Variants in SPRR2G observed in about 807,000 individuals in gnomAD.
SPRR2G encodes small proline rich protein 2G, also known as small proline-rich protein 2G.
SPRR2G carries 1 observed loss-of-function variant against 0.7 expected under a neutral mutation model. The observed-to-expected ratio is 1.49, with a 90% CI of 0.53 to 7.06. SPRR2G has a LOEUF of 7.06. SPRR2G is among the 30% of genes most tolerant of loss of function. SPRR2G has a pLI of 0.14. For missense variants in SPRR2G, 96 were observed against 88.5 expected, an observed-to-expected ratio of 1.09 and a Z score of -0.34; for synonymous variants, 38 against 33.9, an observed-to-expected ratio of 1.12 and a Z score of -0.42.
chr1:153,176,326 A>T, the SPRR2G span: 2 of 151,910 alleles, frequency 1.3e-5, no homozygotes, highest in African/African-American at 4.8e-5. Flanking sequence ...CATGTTTGTT[A>T]CTCACCCATG....
the SPRR2G span, among the ~76,000 whole-genome samples, chr1:153,172,052 A>G: frequency 4.8e-4 from 73 of 152,204 alleles, no homozygotes; most frequent in Non-Finnish European, 8.7e-4. Context: ...TTGAAATTGG[A>G]GCGACCTACA....
chr1:153,196,663 A>G, the SPRR2G span, among the ~76,000 whole-genome samples: 4 of 152,270 alleles, frequency 2.6e-5, no homozygotes, highest in African/African-American at 9.6e-5. Context: ...ACTTCAAATC[A>G]TCTGAAAATG....
chr1:153,198,617 T>C, the SPRR2G span, among the ~76,000 whole-genome samples: 1 of 152,034 alleles, frequency 6.6e-6, no homozygotes, highest in Non-Finnish European at 1.5e-5. Context: ...TCTGGGATGA[T>C]CCCAGGTTTC....
the SPRR2G span, among the ~76,000 whole-genome samples, chr1:153,184,492 G>A: frequency 6.6e-6 from 1 of 152,166 alleles, no homozygotes; most frequent in African/African-American, 2.4e-5. Flanking sequence ...GTTCACTCAT[G>A]ATTTGGCTCT....
chr1:153,170,999 C>T, the SPRR2G span, among the ~76,000 whole-genome samples: 1 of 152,190 alleles, frequency 6.6e-6, no homozygotes, highest in African/African-American at 2.4e-5. Context: ...CAGCTCATTC[C>T]ACCCTCTTTG....
chr1:153,177,975 A>G, the SPRR2G span, among the ~76,000 whole-genome samples: 2 of 151,924 alleles, frequency 1.3e-5, no homozygotes, highest in African/African-American at 2.4e-5. Context: ...ATGTGAACCT[A>G]TATCTCTTCA....
At position 153,150,890 on chromosome 1, in the gene SPRR2G, T is replaced by C. The variant is rs1047649507; in HGVS notation, c.-60A>G. The C allele has an allele frequency of 1.3e-5, 2 of 152,602 alleles. No individual in the cohort carries two copies. The highest frequency in any genetic ancestry group is 2.4e-5 in the African/African-American group (1 of 41,456). 9.5% of individuals were successfully genotyped at this position (152,602 alleles called of 1,614,324 possible). A position where few individuals can be genotyped will look rare whatever the true frequency, so the allele number is the denominator to read the frequency against. On this transcript the variant is annotated 5_prime_UTR_variant, in exon 1 of 2. Coordinates refer to ENST00000368748, the MANE Select transcript of SPRR2G (RefSeq NM_001014291.4). ...GATCTACAACTGAATGGCAAGAAGA[T>C]AGCATCAGTGTGGTGGAGAGTCCTT...
the SPRR2G span, among the ~76,000 whole-genome samples, chr1:153,161,255 GT>G: frequency 1.9e-5 from 1 of 52,832 alleles, no homozygotes; most frequent in Non-Finnish European, 5.9e-5. Context: ...AACAATAATA[GT>G]AGTCATCCTA....
chr1:153,202,106 C>A, the SPRR2G span, among the ~76,000 whole-genome samples: 14 of 152,202 alleles, frequency 9.2e-5, no homozygotes, highest in Admixed American at 8.5e-4. Flanking sequence ...AAACTCTCTC[C>A]ATTTGTAAGA....
chr1:153,199,689 G>A, the SPRR2G span, among the ~76,000 whole-genome samples: 1 of 152,002 alleles, frequency 6.6e-6, no homozygotes, highest in Non-Finnish European at 1.5e-5. Flanking sequence ...CAACATTCAA[G>A]GAAAGACCTT....
At chr1:153,200,393 A>G in the SPRR2G span, among the ~76,000 whole-genome samples, 6 of 152,160 alleles carry the variant, frequency 3.9e-5, no homozygotes, top group Non-Finnish European at 5.9e-5. Context: ...CAGCAAACCA[A>G]TGAAGACACC....
chr1:153,167,184 A>T, the SPRR2G span, among the ~76,000 whole-genome samples: 2 of 152,228 alleles, frequency 1.3e-5, no homozygotes, highest in Non-Finnish European at 2.9e-5. Context: ...GAAAAAAAAT[A>T]AAATCTCTGG....
At chr1:153,161,796 A>G in the SPRR2G span, among the ~76,000 whole-genome samples, 2 of 152,264 alleles carry the variant, frequency 1.3e-5, no homozygotes, top group Non-Finnish European at 2.9e-5. Context: ...AGACTACTCT[A>G]GAATTAGAAA....
chr1:153,150,694 A>G (rs759429358), intron 1 of SPRR2G, among the ~76,000 whole-genome samples, 158 bp downstream of exon 1: 1 of 152,216 alleles, frequency 6.6e-6, no homozygotes, highest in Non-Finnish European at 1.5e-5. Flanking sequence ...CTTCATGTTT[A>G]TCTACCAAAT....
chr1:153,196,798 T>G, the SPRR2G span, among the ~76,000 whole-genome samples: 2 of 152,220 alleles, frequency 1.3e-5, no homozygotes, highest in Admixed American at 1.3e-4. Flanking sequence ...GAAGTCACTC[T>G]CAACCTGCTG....
the SPRR2G span, among the ~76,000 whole-genome samples, chr1:153,183,280 T>C: frequency 6.7e-6 from 1 of 148,942 alleles, no homozygotes; most frequent in East Asian, 2.1e-4. Flanking sequence ...AGAAACAGAG[T>C]TTCTCCATGC....
At chr1:153,198,919 G>A in the SPRR2G span, among the ~76,000 whole-genome samples, 2 of 152,158 alleles carry the variant, frequency 1.3e-5, no homozygotes, top group Admixed American at 6.5e-5. Flanking sequence ...TTCAACAGAG[G>A]AGAAAGGGCT....
At chr1:153,155,704 T>G (rs552962771), upstream of SPRR2G, among the ~76,000 whole-genome samples, 11 of 152,358 alleles carry the variant, frequency 7.2e-5, no homozygotes, top group South Asian at 2.3e-3. Flanking sequence ...CTTTTTGAAC[T>G]GTGTGCTGTC....
chr1:153,180,791 T>C, the SPRR2G span, among the ~76,000 whole-genome samples: 1 of 152,306 alleles, frequency 6.6e-6, no homozygotes, highest in East Asian at 1.9e-4. Flanking sequence ...TGTCTATCTT[T>C]TTTCGTGTTA....
Sources: gnomAD v4.1 joint callset for allele counts (sites outside exome capture counted in the v4.1 genomes callset) on GRCh38, gnomAD v4.1.1 for gene constraint, MANE v1.5 for transcripts, NCBI Gene and HGNC (gene_info 2026-07-23, HGNC 2026-07-21) for gene names.